The following NF1 variants were observed in gnomAD, a reference collection of about 807,000 sequenced individuals.
NF1 encodes the protein neurofibromin 1.
A neutral mutation model predicts 325.7 loss-of-function variants in NF1; 122 were observed. The observed-to-expected ratio is 0.37, with a 90% CI of 0.32 to 0.44. The LOEUF (loss-of-function observed/expected upper bound fraction) is 0.44. Among genes scored for constraint, NF1 ranks in the 20% least tolerant of loss-of-function variants. The probability of loss-of-function intolerance (pLI) is 1.00; values close to 1 mark genes in which losing one functional copy is unlikely to be tolerated. For missense variants in NF1, 2,140 were observed against 3,415.4 expected, an observed-to-expected ratio of 0.63 and a Z score of 9.31; for synonymous variants, 1,091 against 1,186.0, an observed-to-expected ratio of 0.92 and a Z score of 1.65.
chr17:31,342,068 G>A (rs537163305), intron 47 of NF1, among the ~76,000 whole-genome samples: 119 of 152,230 alleles, frequency 7.8e-4, no homozygotes, highest in South Asian at 1.2e-3. Context: ...ACAGATATGG[G>A]TCTGAAAAAT....
chr17:31,144,385 G>T (rs539105186), intron 1 of NF1, among the ~76,000 whole-genome samples: 2 of 152,150 alleles, frequency 1.3e-5, no homozygotes, highest in African/African-American at 4.8e-5. Flanking sequence ...AATTCGTTCA[G>T]TGCCTTTTTC....
intron 1 of NF1, among the ~76,000 whole-genome samples, chr17:31,138,910 G>T (rs1263102206): frequency 6.6e-6 from 1 of 151,902 alleles, no homozygotes; most frequent in Non-Finnish European, 1.5e-5. Flanking sequence ...ATAATTTACC[G>T]TATTTTGAAG....
chr17:31,300,436 T>C (rs2068550134), intron 36 of NF1, among the ~76,000 whole-genome samples: 1 of 152,112 alleles, frequency 6.6e-6, no homozygotes, highest in African/African-American at 2.4e-5. Context: ...TGTTCTTCTT[T>C]TCTTACTGTA....
chr17:31,140,845 C>T (rs572932249), intron 1 of NF1, among the ~76,000 whole-genome samples: 14 of 152,126 alleles, frequency 9.2e-5, no homozygotes, highest in South Asian at 6.2e-4. Context: ...AAATAGACCA[C>T]GCACAAAAAG....
At chr17:31,229,996 A>G (rs2151430921) in intron 22 of NF1, 22 bp downstream of exon 22, 2 of 1,611,496 alleles carry the variant, frequency 1.2e-6, no homozygotes, top group South Asian at 1.1e-5. Context: ...ACTGAAATGT[A>G]GCAGAAACAT....
intron 49 of NF1, among the ~76,000 whole-genome samples, chr17:31,349,577 T>C (rs1156817413): frequency 6.6e-6 from 1 of 152,354 alleles, no homozygotes; most frequent in African/African-American, 2.4e-5. Context: ...AGTTCTGTTA[T>C]CTTTCTCTAA....
intron 1 of NF1, among the ~76,000 whole-genome samples, chr17:31,139,506 T>C (rs1916059077): frequency 6.6e-6 from 1 of 152,186 alleles, no homozygotes; most frequent in East Asian, 1.9e-4. Flanking sequence ...TAAATTATTA[T>C]TTTTGTCAAT....
chr17:31,223,596 G>A (rs200986839), intron 16 of NF1, 29 bp downstream of exon 16: 3 of 1,600,524 alleles, frequency 1.9e-6, no homozygotes, highest in Non-Finnish European at 2.6e-6. Context: ...TTAAAAAATG[G>A]AAGAATATTT....
At chr17:31,197,704 ATG>A (rs1348152393) in intron 8 of NF1, among the ~76,000 whole-genome samples, 1 of 152,156 alleles carries the variant, frequency 6.6e-6, no homozygotes, top group Non-Finnish European at 1.5e-5. Context: ...TTTGGTGTGT[ATG>A]TGTCATCTTT....
At chr17:31,337,755 CATT>C (rs1317292696) in intron 43 of NF1, 61 bp from the exon 44 acceptor site, 8 of 1,539,254 alleles carry the variant, frequency 5.2e-6, no homozygotes, top group Non-Finnish European at 7.2e-6. Context: ...TCATAATAAA[CATT>C]ATTTAAACAG....
chr17:31,188,845 C>T (rs919265284), intron 8 of NF1, among the ~76,000 whole-genome samples: 11 of 152,170 alleles, frequency 7.2e-5, no homozygotes, highest in Admixed American at 2.6e-4. Flanking sequence ...TGCCCTCCAG[C>T]GTCGGTCTTC....
At chr17:31,367,213 T>C (rs984279730) in intron 57 of NF1, 1 of 1,307,868 alleles carries the variant, frequency 7.6e-7, no homozygotes, top group African/African-American at 1.5e-5. Flanking sequence ...TTTTCTTCCA[T>C]TCTTTGTAAA....
chr17:31,309,459 A>T (rs2068811647), intron 36 of NF1, among the ~76,000 whole-genome samples: 1 of 152,176 alleles, frequency 6.6e-6, no homozygotes, highest in Admixed American at 6.5e-5. Flanking sequence ...TAATCTCTGG[A>T]TGGTCATCAT....
chr17:31,234,009 C>A (rs372712883), intron 27 of NF1, among the ~76,000 whole-genome samples: 3 of 152,224 alleles, frequency 2.0e-5, no homozygotes, highest in African/African-American at 7.2e-5. Context: ...ACACCAGCTA[C>A]CTTTCTGTCC....
At chr17:31,120,550 G>A (rs8068221) in intron 1 of NF1, among the ~76,000 whole-genome samples, 97,603 of 151,980 alleles carry the variant, frequency 0.64, 31,770 homozygotes, top group Middle Eastern at 0.81. Flanking sequence ...GTCATCTGCA[G>A]ACAGAGACAG....
At chr17:31,199,660 A>C (rs2143867860) in intron 8 of NF1, among the ~76,000 whole-genome samples, 1 of 152,130 alleles carries the variant, frequency 6.6e-6, no homozygotes, top group South Asian at 2.1e-4. Flanking sequence ...AGAATAGGTA[A>C]TTTTTTTTGA....
In NF1 at chr17:31,217,790, C is replaced by A. The variant is rs1364126432; in HGVS notation, c.1528-1215C>A. Among the ~76,000 whole-genome samples the A allele has an allele frequency of 2.0e-5, 3 of 151,438 alleles. No homozygotes were observed. In the East Asian group the frequency reaches 6.0e-4, roughly 30 times the overall value. On this transcript the variant is annotated intron_variant, in intron 13 of 57. Coordinates refer to ENST00000358273, the MANE Select transcript of NF1 (RefSeq NM_001042492.3). Reference sequence around the variant, plus strand: ...GACCAGCCTGGCCAACATGGTGAAACCCCATCTCTAATAATAATGCAAAAA... The same window carrying A: ...GACCAGCCTGGCCAACATGGTGAAAACCCATCTCTAATAATAATGCAAAAA...
chr17:31,277,995 G>T (rs894157219), intron 36 of NF1, among the ~76,000 whole-genome samples: 2 of 152,154 alleles, frequency 1.3e-5, no homozygotes, highest in African/African-American at 4.8e-5. Context: ...GGCATGGTGG[G>T]ATGTGAGCTA....
chr17:31,351,813 C>T (rs917675102), intron 50 of NF1, among the ~76,000 whole-genome samples: 4 of 152,046 alleles, frequency 2.6e-5, no homozygotes, highest in African/African-American at 7.2e-5. Context: ...GAATGCAGCC[C>T]AACACAAATT....
Sources: gnomAD v4.1 joint callset for allele counts (sites outside exome capture counted in the v4.1 genomes callset) on GRCh38, gnomAD v4.1.1 for gene constraint, MANE v1.5 for transcripts, NCBI Gene and HGNC (gene_info 2026-07-23, HGNC 2026-07-21) for gene names.